The following IL17RD variants were observed in gnomAD, a reference collection of about 807,000 sequenced individuals.
IL17RD encodes interleukin-17 receptor D.
In IL17RD, 52 loss-of-function variants were observed where a neutral mutation model predicts 80.5. That is an observed-to-expected ratio of 0.65 (90% CI 0.52 to 0.81). IL17RD has a LOEUF of 0.81. Ranked by LOEUF, IL17RD falls within the 40% of genes least tolerant of loss-of-function variation. IL17RD has a pLI of 0.00. For missense variants in IL17RD, 1,024 were observed against 955.1 expected (o/e 1.07, Z -0.95); for synonymous variants, 416 against 391.8 (o/e 1.06, Z -0.73).
intron 1 of IL17RD, among the ~76,000 whole-genome samples, chr3:57,150,860 A>C (rs958734303): frequency 6.6e-6 from 1 of 152,154 alleles, no homozygotes; most frequent in Non-Finnish European, 1.5e-5. Flanking sequence ...TCAGAAAGTA[A>C]ACAATTACGA....
intron 1 of IL17RD, chr3:57,164,833 G>A (rs1169023272): frequency 9.9e-7 from 1 of 1,011,804 alleles, no homozygotes; most frequent in Non-Finnish European, 1.2e-6. Context: ...GACGAAGGAG[G>A]TCCCGGGCCA....
chr3:57,142,799 A>G (rs1377558835), intron 1 of IL17RD, among the ~76,000 whole-genome samples: 1 of 152,196 alleles, frequency 6.6e-6, no homozygotes, highest in Non-Finnish European at 1.5e-5. Flanking sequence ...TTCATTTAAA[A>G]AAAAAAACTT....
rs370912091 is a variant in IL17RD at position 57,141,181 on chromosome 3, C to T, written c.127-20868G>A. Among the ~76,000 whole-genome samples, 6 of 152,156 alleles carry T rather than the reference C, an allele frequency of 3.9e-5. No homozygotes were observed. The East Asian group carries it at 7.7e-4, about 19-fold the overall frequency. On this transcript the variant is annotated intron_variant, in intron 1 of 12. Coordinates refer to ENST00000296318, the MANE Select transcript of IL17RD (RefSeq NM_017563.5). ...CCTCCCAATGTGTCGGGATTACAGACGTGAGCCACAGCACCCAGCCGACCC... is the reference window on the plus strand; with the variant it reads ...CCTCCCAATGTGTCGGGATTACAGATGTGAGCCACAGCACCCAGCCGACCC...
At chr3:57,127,251 T>TATATAA (rs1707487467) in intron 1 of IL17RD, among the ~76,000 whole-genome samples, 1 of 92,100 alleles carries the variant, frequency 1.1e-5, no homozygotes, top group Non-Finnish European at 1.9e-5. Flanking sequence ...AATATATATA[T>TATATAA]AAATATATAT....
At chr3:57,134,678 G>A in intron 1 of IL17RD, 1 of 723,314 alleles carries the variant, frequency 1.4e-6, no homozygotes, top group Non-Finnish European at 2.6e-6. Flanking sequence ...AGGCCAAGGA[G>A]GAGATCATCA....
chr3:57,099,793 A>G (rs1706784985), intron 11 of IL17RD, among the ~76,000 whole-genome samples: 1 of 152,244 alleles, frequency 6.6e-6, no homozygotes, highest in African/African-American at 2.4e-5. Context: ...GATGTTTAAT[A>G]TTTGTATTAA....
chr3:57,106,975 G>A (rs918966406), intron 5 of IL17RD, among the ~76,000 whole-genome samples: 2 of 152,132 alleles, frequency 1.3e-5, no homozygotes, highest in Non-Finnish European at 2.9e-5. Context: ...TTTGATTTAG[G>A]TGAGGCTTTC....
chr3:57,153,778 T>C (rs891507752), intron 1 of IL17RD, among the ~76,000 whole-genome samples: 1 of 152,218 alleles, frequency 6.6e-6, no homozygotes, highest in Non-Finnish European at 1.5e-5. Context: ...GACTCTAATA[T>C]ACAGGTGACT....
chr3:57,157,379 T>C (rs1441551841), intron 1 of IL17RD, among the ~76,000 whole-genome samples: 1 of 151,428 alleles, frequency 6.6e-6, no homozygotes, highest in Non-Finnish European at 1.5e-5. Context: ...TTCCCTGTTG[T>C]CCAGGCCCCT....
At chr3:57,123,151 G>A (rs1294423897) in intron 1 of IL17RD, among the ~76,000 whole-genome samples, 2 of 152,154 alleles carry the variant, frequency 1.3e-5, no homozygotes, top group African/African-American at 4.8e-5. Context: ...GGCAGGCCTG[G>A]AAGGAAAGTG....
chr3:57,136,828 C>T (rs1707741487), intron 1 of IL17RD, among the ~76,000 whole-genome samples: 1 of 152,064 alleles, frequency 6.6e-6, no homozygotes, highest in African/African-American at 2.4e-5. Context: ...GAGAATAAGG[C>T]TAAACTAGAC....
At chr3:57,109,263 C>T (rs1707036865) in intron 5 of IL17RD, among the ~76,000 whole-genome samples, 1 of 152,078 alleles carries the variant, frequency 6.6e-6, no homozygotes, top group South Asian at 2.1e-4. Flanking sequence ...ATTCTCCTGC[C>T]TTAGCCTCCC....
chr3:57,150,859 AAAC>A lies in IL17RD; in HGVS notation c.126+14299_126+14301del, dbSNP rs1320873404. ...AGAAAACCTCCTCTGCTCAGAAAGT[AAAC>A]AATTACGAAGGGGGCCAAAACTTGA... On this transcript the variant is annotated intron_variant, in intron 1 of 12. Transcript: ENST00000296318. 1.9e-4 allele frequency among the ~76,000 whole-genome samples: 29 copies of A among 152,358 alleles called. No homozygotes were observed. In the South Asian group the frequency reaches 3.3e-3, roughly 17 times the overall value.
At position 57,132,166 on chromosome 3, in the gene IL17RD, A is replaced by T. The variant is rs1390269669; in HGVS notation, c.127-11853T>A. ...ACACCACCACACTCCAGACTGGGTGACAGAGCAAGACACTGTAAAAGAAGG... is the reference window on the plus strand; with the variant it reads ...ACACCACCACACTCCAGACTGGGTGTCAGAGCAAGACACTGTAAAAGAAGG... On this transcript the variant is annotated intron_variant, in intron 1 of 12. Transcript: ENST00000296318. 2.6e-5 allele frequency among the ~76,000 whole-genome samples: 4 copies of T among 151,812 alleles called. No homozygotes were observed. In the East Asian group the frequency reaches 7.7e-4, roughly 29 times the overall value.
chr3:57,164,792 G>A (rs961068746), intron 1 of IL17RD: 1 of 678,150 alleles, frequency 1.5e-6, no homozygotes. Context: ...GGGTGGCTCG[G>A]GGGATCCCAG....
intron 1 of IL17RD, chr3:57,134,668 A>G: frequency 2.7e-6 from 2 of 729,788 alleles, no homozygotes; most frequent in East Asian, 2.6e-5. Flanking sequence ...GACCGCCTAC[A>G]GGCCAAGGAG....
At chr3:57,140,947 AC>A (rs1261777570) in intron 1 of IL17RD, among the ~76,000 whole-genome samples, 1 of 151,640 alleles carries the variant, frequency 6.6e-6, no homozygotes, top group Non-Finnish European at 1.5e-5. Flanking sequence ...AGGCTGGAGT[AC>A]AGTGGTACAA....
chr3:57,143,154 C>A (rs1296327190), intron 1 of IL17RD, among the ~76,000 whole-genome samples: 2 of 152,154 alleles, frequency 1.3e-5, no homozygotes, highest in African/African-American at 4.8e-5. Flanking sequence ...GCTGCTGGTA[C>A]GGCAGAGGAA....
chr3:57,159,375 G>A (rs1242153139), intron 1 of IL17RD, among the ~76,000 whole-genome samples: 1 of 152,206 alleles, frequency 6.6e-6, no homozygotes, highest in African/African-American at 2.4e-5. Flanking sequence ...TGGCAGAGGG[G>A]AAGTGGCCTG....
Sources: gnomAD v4.1 joint callset for allele counts (sites outside exome capture counted in the v4.1 genomes callset) on GRCh38, gnomAD v4.1.1 for gene constraint, MANE v1.5 for transcripts, NCBI Gene and HGNC (gene_info 2026-07-23, HGNC 2026-07-21) for gene names.